Variants in TVP23A observed in about 807,000 individuals in gnomAD.
The protein encoded by TVP23A is trans-golgi network vesicle protein 23 homolog A.
In TVP23A, 21 loss-of-function variants were observed where a neutral mutation model predicts 31.7. The observed-to-expected ratio is 0.66, with a 90% CI of 0.47 to 0.95. The LOEUF (loss-of-function observed/expected upper bound fraction) is 0.95. Ranked by LOEUF, TVP23A falls within the 40% of genes least tolerant of loss-of-function variation. TVP23A has a pLI of 0.00. For missense variants in TVP23A, 279 were observed against 255.6 expected (o/e 1.09, Z -0.62); for synonymous variants, 104 against 96.0 (o/e 1.08, Z -0.49).
intron 7 of TVP23A, 92 bp from the exon 8 acceptor site, chr16:10,769,193 G>A (rs146511825): frequency 8.1e-7 from 1 of 1,242,012 alleles, no homozygotes; most frequent in Non-Finnish European, 1.2e-6. Context: ...CTCCGGGATG[G>A]GGTGGGTCAC....
At chr16:10,795,169 C>T (rs778580723) in intron 2 of TVP23A, among the ~76,000 whole-genome samples, 1 of 151,886 alleles carries the variant, frequency 6.6e-6, no homozygotes, top group Non-Finnish European at 1.5e-5. Flanking sequence ...TGAAAGCTAA[C>T]TGAAAGAGGC....
downstream of TVP23A, chr16:10,761,938 C>T: frequency 8.9e-7 from 1 of 1,124,994 alleles, no homozygotes; most frequent in Non-Finnish European, 1.3e-6. Context: ...CAGGGGGCGG[C>T]TACAGAGAGG....
chr16:10,758,070 A>G, downstream of TVP23A: 1 of 1,594,434 alleles, frequency 6.3e-7, no homozygotes, highest in Non-Finnish European at 8.6e-7. Flanking sequence ...ACTGTGCTCC[A>G]CACTGTGAGA....
Position 10,768,307 on chromosome 16 carries a change from A to T in TVP23A, c.*795T>A. 1 of 200,046 alleles carries T rather than the reference A, an allele frequency of 5.0e-6. No homozygotes were observed. The highest frequency in any genetic ancestry group is 9.4e-6 in the Non-Finnish European group (1 of 106,802). 12.4% of individuals were successfully genotyped at this position (200,046 alleles called of 1,614,324 possible). A position where few individuals can be genotyped will look rare whatever the true frequency, so the allele number is the denominator to read the frequency against. ...AGTAATTCATTTTTAAAAGTAACTG[A>T]TAAAAAAAAAAAAGGCCAGGTGCAG... is the stretch of plus-strand genomic sequence containing the variant. On this transcript the variant is annotated 3_prime_UTR_variant, in exon 8 of 8. Transcript: ENST00000299866. This position sits in a 1 kb window ranked among gnomAD's most constrained non-coding sequence, Gnocchi z 4.3.
Position 10,781,659 on chromosome 16 carries a change from G to A in TVP23A, c.90-6563C>T, listed in dbSNP as rs973065398. On this transcript the variant is annotated intron_variant, in intron 2 of 7. Transcript: ENST00000299866. ...ACAAAGAAAAAGCACAGCTCTACCC[G>A]GGTTCAGCAAACTACAACCTAAGGG... 2.6e-4 allele frequency among the ~76,000 whole-genome samples: 40 copies of A among 152,084 alleles called. 1 individual carries two copies. Among genetic ancestry groups the A allele is most frequent in the Admixed American group, 2.2e-3 (34 of 15,272 alleles).
At chr16:10,775,582 A>G in intron 2 of TVP23A, 1 of 996,608 alleles carries the variant, frequency 1.0e-6, no homozygotes, top group Non-Finnish European at 1.2e-6. Flanking sequence ...TGTGAATGGC[A>G]GGTCTAACTC....
intron 2 of TVP23A, among the ~76,000 whole-genome samples, chr16:10,803,726 C>T (rs2033817674): frequency 6.6e-6 from 1 of 151,934 alleles, no homozygotes; most frequent in Non-Finnish European, 1.5e-5. Context: ...ACACAAGGAC[C>T]CAAGAGGTGG....
chr16:10,773,917 T>C, intron 4 of TVP23A, 122 bp downstream of exon 4: 1 of 767,046 alleles, frequency 1.3e-6, no homozygotes, highest in South Asian at 1.8e-5. Context: ...CAGAGCACCT[T>C]GGCAATGGTG....
At chr16:10,760,481 C>T (rs533432153), downstream of TVP23A, among the ~76,000 whole-genome samples, 4 of 152,364 alleles carry the variant, frequency 2.6e-5, no homozygotes, top group South Asian at 4.1e-4. Context: ...CACAGTGGCT[C>T]ACGCCTCTAA....
Position 10,818,725 on chromosome 16 carries a change from G to A in TVP23A, c.-232C>T, listed in dbSNP as rs2034559299. ...AGGGGGCTCGGCTCGCCGGGGACGC[G>A]CCCAGGAGAGAAAGCGGCGGCAGGG... On this transcript the variant is annotated 5_prime_UTR_variant, in exon 1 of 8. Transcript: ENST00000299866. This position sits in a 1 kb window ranked among gnomAD's most constrained non-coding sequence, Gnocchi z 4.7. The A allele has an allele frequency of 2.0e-6, 1 of 504,518 alleles. No individual in the cohort carries two copies. The highest frequency in any genetic ancestry group is 3.4e-6 in the Non-Finnish European group (1 of 293,086). 31.3% of individuals were successfully genotyped at this position (504,518 alleles called of 1,614,324 possible).
At chr16:10,812,671 C>A (rs890338356) in intron 2 of TVP23A, among the ~76,000 whole-genome samples, 6 of 152,060 alleles carry the variant, frequency 3.9e-5, no homozygotes, top group African/African-American at 1.4e-4. Context: ...TACTGTATGA[C>A]CCTTTTATGG....
At chr16:10,774,225 G>A in intron 3 of TVP23A, 97 bp from the exon 4 acceptor site, 1 of 861,426 alleles carries the variant, frequency 1.2e-6, no homozygotes. Flanking sequence ...TTTCAGACTT[G>A]TACTGGGAGC....
intron 2 of TVP23A, among the ~76,000 whole-genome samples, chr16:10,778,260 G>C (rs1374409705): frequency 1.3e-5 from 2 of 152,146 alleles, no homozygotes; most frequent in African/African-American, 4.8e-5. Context: ...CTTGAACCTG[G>C]GAGGTGGAGG....
chr16:10,767,787 G>A lies in TVP23A; in HGVS notation c.*1315C>T. 1.6e-6 allele frequency: 1 copy of A among 630,316 alleles called. No homozygotes were observed. The highest frequency in any genetic ancestry group is 2.8e-6 in the Non-Finnish European group (1 of 359,342). 39.0% of individuals were successfully genotyped at this position (630,316 alleles called of 1,614,324 possible). A position where few individuals can be genotyped will look rare whatever the true frequency, so the allele number is the denominator to read the frequency against. On this transcript the variant is annotated 3_prime_UTR_variant, in exon 8 of 8. Transcript: ENST00000299866. The surrounding 1 kb of genome is among the most constrained non-coding windows in gnomAD (Gnocchi z 4.6). ...TGGCTGGGGACCCTGCTGGAAGGAA[G>A]GTCCCTGAGACCCCACTGGTCTTTT...
At chr16:10,800,008 CTTTTTTTT>C (rs76396691) in intron 2 of TVP23A, among the ~76,000 whole-genome samples, 2 of 57,422 alleles carry the variant, frequency 3.5e-5, no homozygotes, top group Admixed American at 1.7e-4. Flanking sequence ...GAGTGGGGTT[CTTTTTTTT>C]TTTTTTTTTT....
intron 2 of TVP23A, among the ~76,000 whole-genome samples, chr16:10,776,901 G>A (rs1213557242): frequency 2.0e-5 from 3 of 152,222 alleles, no homozygotes; most frequent in Admixed American, 6.5e-5. Flanking sequence ...CAGTGGGGAC[G>A]ACCAGAGGTC....
At chr16:10,784,269 C>A (rs2032601293) in intron 2 of TVP23A, among the ~76,000 whole-genome samples, 1 of 150,868 alleles carries the variant, frequency 6.6e-6, no homozygotes, top group Admixed American at 6.6e-5. Flanking sequence ...GCGGAGGTTG[C>A]AGTGAGCCGA....
chr16:10,763,735 G>A (rs2030377980), downstream of TVP23A: 1 of 154,882 alleles, frequency 6.5e-6, no homozygotes, highest in African/African-American at 2.4e-5. Flanking sequence ...GATGGGATTG[G>A]TGGGCAGGAC....
At chr16:10,783,023 T>C (rs2032516030) in intron 2 of TVP23A, among the ~76,000 whole-genome samples, 1 of 152,104 alleles carries the variant, frequency 6.6e-6, no homozygotes, top group Non-Finnish European at 1.5e-5. Context: ...AGCTGTTGGG[T>C]GGTTGCTGCC....
Sources: allele counts gnomAD v4.1 joint callset (sites outside exome capture counted in the v4.1 genomes callset), GRCh38; gene constraint gnomAD v4.1.1; non-coding constraint Gnocchi (gnomAD v3.1); transcripts MANE v1.5; gene names NCBI Gene and HGNC (gene_info 2026-07-23, HGNC 2026-07-21).